PPP2R2B: variants seen among roughly 807,000 people sequenced by gnomAD.
The protein encoded by PPP2R2B is serine/threonine-protein phosphatase 2A 55 kDa regulatory subunit B beta isoform.
In PPP2R2B, 5 loss-of-function variants were observed where a neutral mutation model predicts 46.0. That is an observed-to-expected ratio of 0.11 (90% CI 0.06 to 0.23). PPP2R2B has a LOEUF of 0.23. PPP2R2B is among the 10% of genes least tolerant of loss of function. PPP2R2B has a pLI of 1.00. For missense variants in PPP2R2B, 367 were observed against 575.0 expected, an observed-to-expected ratio of 0.64 and a Z score of 3.70; for synonymous variants, 215 against 206.7, an observed-to-expected ratio of 1.04 and a Z score of -0.34.
intron 1 of PPP2R2B, among the ~76,000 whole-genome samples, chr5:146,927,146 T>A (rs867721892): frequency 6.6e-6 from 1 of 152,128 alleles, no homozygotes; most frequent in Non-Finnish European, 1.5e-5. Context: ...CCATGATTTT[T>A]AAAAAATAAA....
Position 146,728,139 on chromosome 5 carries a change from T to C in PPP2R2B, c.71-26997A>G, listed in dbSNP as rs936489284. 5.3e-5 allele frequency among the ~76,000 whole-genome samples: 3 copies of C among 56,844 alleles called. No individual in the cohort carries two copies. In the African/African-American group the frequency reaches 7.3e-4, roughly 14 times the overall value. 37.3% of individuals were successfully genotyped at this position (56,844 alleles called of 152,430 possible). ...ATATGATGGCTAGGGAAACACTTAC[T>C]TTTTTTTTTTTTTTTTTTTTTTTCA... On this transcript the variant is annotated intron_variant, in intron 2 of 9. Transcript: ENST00000394411.
At chr5:147,042,128 T>A (rs1420389153) in intron 1 of PPP2R2B, among the ~76,000 whole-genome samples, 1 of 152,202 alleles carries the variant, frequency 6.6e-6, no homozygotes, top group African/African-American at 2.4e-5. Context: ...GTAATAGTCT[T>A]AAAGCCCCTG....
intron 1 of PPP2R2B, among the ~76,000 whole-genome samples, chr5:146,974,674 A>G (rs566133130): frequency 9.9e-5 from 15 of 151,248 alleles, no homozygotes; most frequent in African/African-American, 3.6e-4. Flanking sequence ...AAAAATGTGT[A>G]TGGTGAAATA....
chr5:146,794,642 A>G (rs1236829194), intron 2 of PPP2R2B, among the ~76,000 whole-genome samples: 1 of 152,202 alleles, frequency 6.6e-6, no homozygotes, highest in African/African-American at 2.4e-5. Context: ...AAAAACATGG[A>G]AAAAAGAGCT....
chr5:146,729,392 G>T (rs1486706535), intron 2 of PPP2R2B, among the ~76,000 whole-genome samples: 1 of 152,194 alleles, frequency 6.6e-6, no homozygotes. Flanking sequence ...CAGAAAATTT[G>T]CAGCCTGAAT....
chr5:146,856,779 G>A (rs190695644), intron 2 of PPP2R2B, among the ~76,000 whole-genome samples: 3 of 152,204 alleles, frequency 2.0e-5, no homozygotes, highest in East Asian at 1.9e-4. Context: ...CCTCAGCCCC[G>A]TCGACCTGAA....
chr5:146,919,899 T>C (rs573014341), intron 1 of PPP2R2B: 2 of 152,332 alleles, frequency 1.3e-5, no homozygotes, highest in South Asian at 2.1e-4. Context: ...GAAAATTAAT[T>C]AAACCAGTTT....
chr5:147,011,564 T>C (rs980279673), intron 1 of PPP2R2B, among the ~76,000 whole-genome samples: 5 of 152,010 alleles, frequency 3.3e-5, no homozygotes, highest in Non-Finnish European at 5.9e-5. Flanking sequence ...TTGAATACCC[T>C]TTATTTCCTT....
intron 2 of PPP2R2B, among the ~76,000 whole-genome samples, chr5:146,771,636 T>A (rs891025479): frequency 6.6e-6 from 1 of 152,180 alleles, no homozygotes; most frequent in Non-Finnish European, 1.5e-5. Context: ...TCTTGAACAA[T>A]AAGAAAGTTT....
intron 2 of PPP2R2B, among the ~76,000 whole-genome samples, chr5:146,751,891 C>T (rs910163066): frequency 3.9e-5 from 6 of 152,046 alleles, no homozygotes; most frequent in African/African-American, 1.4e-4. Flanking sequence ...AAGAGCCTGA[C>T]GCAGGAGCAC....
At chr5:146,632,062 C>CA (rs920778084) in intron 7 of PPP2R2B, among the ~76,000 whole-genome samples, 3 of 29,584 alleles carry the variant, frequency 1.0e-4, no homozygotes, top group African/African-American at 1.8e-4. Context: ...CTGAGTTGTG[C>CA]CCCCCCCCCC....
rs144103186 is a variant in PPP2R2B, at chr5:146,814,398, A to G, written c.70+63604T>C. Among the ~76,000 whole-genome samples the G allele has an allele frequency of 3.5e-4, 54 of 152,336 alleles. No individual in the cohort carries two copies. The East Asian group carries it at 5.4e-3, about 15-fold the overall frequency. ...CAGAGTAGGAGAGGCCTCCCCTGCA[A>G]CACACACCAGGAATGTCAGGAGACC... On this transcript the variant is annotated intron_variant, in intron 2 of 9. Transcript: ENST00000394411.
chr5:146,812,814 TATATATATATATATAC>T (rs1561927733), intron 2 of PPP2R2B, among the ~76,000 whole-genome samples: 5 of 71,130 alleles, frequency 7.0e-5, no homozygotes, highest in African/African-American at 2.2e-4. Context: ...TATATATATA[TATATATATATATATAC>T]ACACACATTT....
chr5:147,052,737 G>A (rs981441588), intron 1 of PPP2R2B, among the ~76,000 whole-genome samples: 4 of 152,154 alleles, frequency 2.6e-5, no homozygotes, highest in South Asian at 2.1e-4. Flanking sequence ...TGCAGGCCCC[G>A]CTTGCCATGG....
chr5:146,600,867 T>TAATC (rs1341365030), intron 7 of PPP2R2B, among the ~76,000 whole-genome samples: 1 of 152,214 alleles, frequency 6.6e-6, no homozygotes, highest in Non-Finnish European at 1.5e-5. Context: ...GTTTTTAGTA[T>TAATC]AATCACAAAA....
chr5:146,631,991 G>A (rs560641110), intron 7 of PPP2R2B, among the ~76,000 whole-genome samples: 1 of 151,840 alleles, frequency 6.6e-6, no homozygotes, highest in East Asian at 1.9e-4. Flanking sequence ...ACAATGTCTG[G>A]AACTGCTGGC....
chr5:146,883,149 G>C (rs548412517), upstream of PPP2R2B, among the ~76,000 whole-genome samples: 9 of 152,332 alleles, frequency 5.9e-5, no homozygotes, highest in South Asian at 4.1e-4. Flanking sequence ...TTGTGTCCCA[G>C]CTCAGGCATT....
At chr5:146,687,023 G>GTA (rs1031865893) in intron 5 of PPP2R2B, among the ~76,000 whole-genome samples, 3 of 149,312 alleles carry the variant, frequency 2.0e-5, no homozygotes, top group African/African-American at 5.0e-5. Flanking sequence ...AAGTGTGTGT[G>GTA]TATGTGTGTG....
intron 7 of PPP2R2B, among the ~76,000 whole-genome samples, chr5:146,615,515 T>TAAAAAAAAAAA (rs1364774106): frequency 9.9e-5 from 7 of 71,022 alleles, no homozygotes; most frequent in African/African-American, 2.3e-4. Flanking sequence ...AAAAAAAAAT[T>TAAAAAAAAAAA]AAAAAAAAAA....
Sources: allele counts gnomAD v4.1 joint callset (sites outside exome capture counted in the v4.1 genomes callset), GRCh38; gene constraint gnomAD v4.1.1; transcripts MANE v1.5; gene names NCBI Gene and HGNC (gene_info 2026-07-23, HGNC 2026-07-21).